BAHCC1: variants seen among roughly 807,000 people sequenced by gnomAD.
BAHCC1 encodes the protein BAH and coiled-coil domain-containing protein 1.
A neutral mutation model predicts 88.2 loss-of-function variants in BAHCC1; 43 were observed. That is an observed-to-expected ratio of 0.49 (90% CI 0.38 to 0.63). The LOEUF (loss-of-function observed/expected upper bound fraction) is 0.63. Ranked by LOEUF, BAHCC1 falls within the 20% of genes least tolerant of loss-of-function variation. BAHCC1 has a pLI of 0.00. For synonymous variants in BAHCC1, 1,510 were observed against 745.5 expected, an observed-to-expected ratio of 2.03 and a Z score of -16.71; for missense variants, 3,023 against 1,654.8, an observed-to-expected ratio of 1.83 and a Z score of -14.34.
At position 81,434,483 on chromosome 17, in the gene BAHCC1, G is replaced by A. The variant is rs529060956; in HGVS notation, c.359-3887G>A. 2.3e-4 allele frequency among the ~76,000 whole-genome samples: 35 copies of A among 152,220 alleles called. No homozygotes were observed. The highest frequency in any genetic ancestry group is 7.7e-4 in the African/African-American group (32 of 41,538). On this transcript the variant is annotated intron_variant, in intron 3 of 27. Transcript: ENST00000675386. The surrounding 1 kb of genome is among the most constrained non-coding windows in gnomAD (Gnocchi z 4.9). ...AAAGGCGTGCGGGCTGGGGCAGGGC[G>A]CTCGAGGTGTGCTTCAGCACCCCCA...
chr17:81,400,318 G>A (rs2063798631), intron 2 of BAHCC1, among the ~76,000 whole-genome samples: 1 of 152,236 alleles, frequency 6.6e-6, no homozygotes, highest in Non-Finnish European at 1.5e-5. Context: ...CAAAACGGCT[G>A]TTGTGGCGGG....
At chr17:81,413,409 C>T (rs559999417) in intron 2 of BAHCC1, among the ~76,000 whole-genome samples, 1 of 152,294 alleles carries the variant, frequency 6.6e-6, no homozygotes, top group South Asian at 2.1e-4. Flanking sequence ...GCGAGGCTGG[C>T]CCTGTTCGTC....
At chr17:81,412,076 C>A (rs947303274) in intron 2 of BAHCC1, among the ~76,000 whole-genome samples, 1 of 152,238 alleles carries the variant, frequency 6.6e-6, no homozygotes, top group East Asian at 1.9e-4. Flanking sequence ...GGTCCCCCGT[C>A]CCTGGCCGGT....
Position 81,461,864 on chromosome 17 carries a change from G to C in BAHCC1, c.7201G>C (p.Gly2401Arg). ...GTCCAGGGCCACGGTGGCTGGCACC[G>C]GTGCGGGCTCAGGCCCCAGCAGCAG... ...FLSRATVAGT[G>R]AGSGPSSSSK... is the part of the protein sequence containing the mutation. The change falls in exon 26 of 28, where the codon GGT becomes CGT. Residue 2401 changes from glycine to arginine, a missense_variant. Coordinates refer to ENST00000675386, the MANE Select transcript of BAHCC1 (RefSeq NM_001377448.1). 1 of 722,600 alleles carries C rather than the reference G, an allele frequency of 1.4e-6. No homozygotes were observed. The highest frequency in any genetic ancestry group is 2.6e-6 in the Non-Finnish European group (1 of 388,500). The allele number at this position is 722,600 out of a possible 1,614,324, so 44.8% of individuals were successfully genotyped here. A position where few individuals can be genotyped will look rare whatever the true frequency, so the allele number is the denominator to read the frequency against.
intron 2 of BAHCC1, chr17:81,410,977 A>T (rs1188859999): frequency 2.2e-6 from 1 of 451,200 alleles, no homozygotes; most frequent in Non-Finnish European, 4.4e-6. Context: ...CCCTCCCATG[A>T]AAGGAGGGCT....
chr17:81,434,408 C>T lies in BAHCC1; in HGVS notation c.359-3962C>T, dbSNP rs1376886440. On this transcript the variant is annotated intron_variant, in intron 3 of 27. Coordinates refer to ENST00000675386, the MANE Select transcript of BAHCC1 (RefSeq NM_001377448.1). The surrounding 1 kb of genome is among the most constrained non-coding windows in gnomAD (Gnocchi z 4.9). ...CAGACCTTCCCCCAGGGAGGAGGCA[C>T]TGCCGTTTGTCAGGATGGTGGGGTG... Among the ~76,000 whole-genome samples the T allele has an allele frequency of 1.3e-5, 2 of 152,212 alleles. No homozygotes were observed. The highest frequency in any genetic ancestry group is 4.8e-5 in the African/African-American group (2 of 41,458).
At position 81,455,247 on chromosome 17, in the gene BAHCC1, C is replaced by CCACCACCCCTGG. The variant is rs1485413163; in HGVS notation, c.4446-11_4446-10insTGGCACCACCCC. ...GGCCGGGCCTGCATCTGCCCTGCAC[C>CCACCACCCCTGG]CACCACCCCATGCCCCCAGGGCGGT... is the stretch of plus-strand genomic sequence containing the variant. On this transcript the variant is annotated intron_variant, in intron 14 of 27. Transcript: ENST00000675386. 2.8e-6 allele frequency: 2 copies of CCACCACCCCTGG among 712,264 alleles called. No homozygotes were observed. Among genetic ancestry groups the CCACCACCCCTGG allele is most frequent in the Non-Finnish European group, 5.2e-6 (2 of 384,552 alleles). 44.1% of individuals were successfully genotyped at this position (712,264 alleles called of 1,614,324 possible).
intron 2 of BAHCC1, among the ~76,000 whole-genome samples, chr17:81,410,542 T>G (rs2063936796): frequency 1.3e-5 from 2 of 152,190 alleles, no homozygotes. Flanking sequence ...GGGCGTTGGA[T>G]GTGACTGGGA....
rs1555658208 is a variant in BAHCC1 at position 81,458,669 on chromosome 17, G to T, written c.5392G>T (p.Ala1798Ser). 1 of 723,404 alleles carries T rather than the reference G, an allele frequency of 1.4e-6. No homozygotes were observed. The highest frequency in any genetic ancestry group is 2.6e-6 in the Non-Finnish European group (1 of 388,674). 44.8% of individuals were successfully genotyped at this position (723,404 alleles called of 1,614,324 possible). Residue 1798 changes from alanine (A) to serine (S), a missense_variant, in exon 19 of 28, where the codon GCC becomes TCC. Coordinates refer to ENST00000675386, the MANE Select transcript of BAHCC1 (RefSeq NM_001377448.1). ...SITLATRNAKAILGKGRKLSK... is the reference protein window; with the variant it reads ...SITLATRNAKSILGKGRKLSK... ...CACGCTGGCCACACGCAACGCCAAG[G>T]CCATCCTGGGGAAGGGCCGGAAGCT...
In BAHCC1 at chr17:81,452,063, G is replaced by A; in HGVS notation, c.4272G>A (p.Glu1424=). The A allele has an allele frequency of 4.8e-6, 3 of 630,028 alleles. No individual in the cohort carries two copies. Among genetic ancestry groups the A allele is most frequent in the Non-Finnish European group, 5.6e-6 (2 of 357,144 alleles). 39.0% of individuals were successfully genotyped at this position (630,028 alleles called of 1,614,324 possible). ...RLAELQRRYK[E]KQRELARLQR... is the part of the protein sequence containing the mutation. ...CGGAGCTGCAGCGGCGCTACAAGGA[G>A]AAGCAGCGGGAGCTGGCCCGCCTGC... Residue 1424 remains glutamate, a synonymous_variant, in exon 13 of 28, where the codon GAG becomes GAA. Coordinates refer to ENST00000675386, the MANE Select transcript of BAHCC1 (RefSeq NM_001377448.1).
chr17:81,397,581 TCCGGGGCTCGGGAGGCGCCGG>T (rs1241675817), intron 1 of BAHCC1, among the ~76,000 whole-genome samples: 7 of 151,640 alleles, frequency 4.6e-5, no homozygotes, highest in African/African-American at 1.5e-4. Context: ...CCCGGCGCCC[TCCGGGGCTCGGGAGGCGCCGG>T]CCGGGGCTGG....
At position 81,438,420 on chromosome 17, in the gene BAHCC1, G is replaced by C. The variant is rs75661873; in HGVS notation, c.409G>C (p.Val137Leu). Residue 137 changes from valine to leucine, a missense_variant, in exon 4 of 28, where the codon GTG (valine) becomes CTG (leucine). Coordinates refer to ENST00000675386, the MANE Select transcript of BAHCC1 (RefSeq NM_001377448.1). ...GAGTCTGGCATCCACCTTCCTACCC[G>C]TGAGCCACTTGGATCACCATGGAAA... ...SGSLASTFLPVSHLDHHGNSN... is the reference protein window; with the variant it reads ...SGSLASTFLPLSHLDHHGNSN... 3 of 778,468 alleles carry C rather than the reference G, an allele frequency of 3.9e-6. No individual in the cohort carries two copies. The highest frequency in any genetic ancestry group is 7.2e-6 in the Non-Finnish European group (3 of 417,406). 48.2% of individuals were successfully genotyped at this position (778,468 alleles called of 1,614,324 possible). A position where few individuals can be genotyped will look rare whatever the true frequency, so the allele number is the denominator to read the frequency against.
In BAHCC1 at chr17:81,455,505, G is replaced by A. The variant is rs577285946; in HGVS notation, c.4569+115G>A. 1.4e-4 allele frequency: 88 copies of A among 629,168 alleles called. No homozygotes were observed. The East Asian group carries it at 2.3e-3, about 16-fold the overall frequency. 39.0% of individuals were successfully genotyped at this position (629,168 alleles called of 1,614,324 possible). A position where few individuals can be genotyped will look rare whatever the true frequency, so the allele number is the denominator to read the frequency against. ...GCCGAAACCCATTGCTCAGATGAGC[G>A]AAGCAAGGCTGGGGAGCTCCGAGCG... On this transcript the variant is annotated intron_variant, in intron 15 of 27. Transcript: ENST00000675386.
Position 81,459,082 on chromosome 17 carries a change from C to T in BAHCC1, c.5634C>T (p.Asp1878=), listed in dbSNP as rs1236546120. Residue 1878 remains aspartate, a synonymous_variant, in exon 21 of 28, where the codon GAC becomes GAT. Coordinates refer to ENST00000675386, the MANE Select transcript of BAHCC1 (RefSeq NM_001377448.1). The part of the protein sequence containing the change: ...LARSCAIHKE[D]LRDGLPVLIP... ...GCTCGTGTGCCATCCACAAGGAGGA[C>T]CTGCGGGACGGGCTGCCCGTGCTCA... 1 of 769,214 alleles carries T rather than the reference C, an allele frequency of 1.3e-6. No individual in the cohort carries two copies. The highest frequency in any genetic ancestry group is 1.7e-5 in the African/African-American group (1 of 59,038). The allele number at this position is 769,214 out of a possible 1,614,324, so 47.6% of individuals were successfully genotyped here. A position where few individuals can be genotyped will look rare whatever the true frequency, so the allele number is the denominator to read the frequency against.
rs575582893 is a variant in BAHCC1, at chr17:81,417,195, C to T, written c.179-9605C>T. 5.3e-5 allele frequency among the ~76,000 whole-genome samples: 8 copies of T among 152,294 alleles called. No homozygotes were observed. In the East Asian group the frequency reaches 7.7e-4, roughly 15 times the overall value. The stretch of plus-strand genomic sequence containing the variant: ...ATCTTCACCGGGGTGTCCGTCTCCC[C>T]GCAGCTGGCTGTCTCAAGATGGTGG... On this transcript the variant is annotated intron_variant, in intron 2 of 27. Coordinates refer to ENST00000675386, the MANE Select transcript of BAHCC1 (RefSeq NM_001377448.1).
At chr17:81,439,178 T>G (rs1485693673) in intron 4 of BAHCC1, among the ~76,000 whole-genome samples, 2 of 151,906 alleles carry the variant, frequency 1.3e-5, no homozygotes, top group African/African-American at 2.4e-5. Flanking sequence ...TGGCTGGAGG[T>G]GGGATGGGTG....
At position 81,456,327 on chromosome 17, in the gene BAHCC1, C is replaced by A; in HGVS notation, c.4600C>A (p.Gln1534Lys). The A allele has an allele frequency of 2.8e-6, 2 of 721,706 alleles. No individual in the cohort carries two copies. Among genetic ancestry groups the A allele is most frequent in the South Asian group, 1.5e-5 (1 of 67,842 alleles). The allele number at this position is 721,706 out of a possible 1,614,324, so 44.7% of individuals were successfully genotyped here. The change falls in exon 16 of 28, where the codon CAG (glutamine) becomes AAG (lysine). Residue 1534 changes from glutamine to lysine, a missense_variant. Gln to Lys is a moderately conservative substitution (Grantham distance 53). Transcript: ENST00000675386. ...EKAQCKKSSC[Q>K]GGLAPSVAHR... Reference sequence around the variant, plus strand: ...GGCGCAGTGTAAGAAGAGCAGCTGTCAGGGCGGGCTGGCGCCCTCCGTGGC... The same window carrying A: ...GGCGCAGTGTAAGAAGAGCAGCTGTAAGGGCGGGCTGGCGCCCTCCGTGGC...
intron 10 of BAHCC1, among the ~76,000 whole-genome samples, chr17:81,446,526 CTTTTTTTTTTTTTTTTTTT>C (rs869297780): frequency 5.9e-4 from 29 of 49,224 alleles, no homozygotes; most frequent in East Asian, 2.5e-3. Context: ...CTGCTCACAC[CTTTTTTTTTTTTTTTTTTT>C]TTTTTTTTTT....
At chr17:81,433,213 G>GC (rs1417466914) in intron 3 of BAHCC1, among the ~76,000 whole-genome samples, 17 of 152,098 alleles carry the variant, frequency 1.1e-4, no homozygotes, top group African/African-American at 4.1e-4. Flanking sequence ...CTCTTGCTGT[G>GC]CCGCCCCGCA....
Sources: gnomAD v4.1 joint callset for allele counts (sites outside exome capture counted in the v4.1 genomes callset) on GRCh38, gnomAD v4.1.1 for gene constraint, Gnocchi (gnomAD v3.1) non-coding constraint, MANE v1.5 for transcripts, NCBI Gene and HGNC (gene_info 2026-07-23, HGNC 2026-07-21) for gene names.